ST3GAL4: variants seen among roughly 807,000 people sequenced by gnomAD.
ST3GAL4 encodes CMP-N-acetylneuraminate-beta-galactosamide-alpha-2,3-sialyltransferase 4.
In ST3GAL4, 24 loss-of-function variants were observed where a neutral mutation model predicts 42.6. That is an observed-to-expected ratio of 0.56 (90% CI 0.41 to 0.79). ST3GAL4 has a LOEUF of 0.79. ST3GAL4 is among the 30% of genes least tolerant of loss of function. The probability of loss-of-function intolerance (pLI) is 0.00; values close to 1 mark genes in which losing one functional copy is unlikely to be tolerated. For missense variants in ST3GAL4, 311 were observed against 430.8 expected (o/e 0.72, Z 2.46); for synonymous variants, 135 against 163.2 (o/e 0.83, Z 1.32).
At chr11:126,407,776 TG>T in intron 6 of ST3GAL4, 142 bp downstream of exon 6, 1 of 942,944 alleles carries the variant, frequency 1.1e-6, no homozygotes, top group Non-Finnish European at 1.6e-6. Context: ...TAGCCTAGCC[TG>T]GGCATCTGGG....
intron 1 of ST3GAL4, chr11:126,374,990 G>T (rs1952780029): frequency 6.6e-6 from 1 of 152,096 alleles, no homozygotes; most frequent in South Asian, 2.1e-4. Flanking sequence ...CTGTGGGTTG[G>T]CAGACACTGT....
chr11:126,404,904 T>C (rs1954159457), intron 1 of ST3GAL4, among the ~76,000 whole-genome samples: 1 of 152,222 alleles, frequency 6.6e-6, no homozygotes, highest in Admixed American at 6.5e-5. Flanking sequence ...GATCATTGGT[T>C]AATGGTTTGT....
At position 126,386,160 on chromosome 11, in the gene ST3GAL4, G is replaced by A. The variant is rs935197543; in HGVS notation, c.-60-19936G>A. ...TTATAGCCGGCTCCTCAGAGACATGGTTCTATCCCCCCAGTGGCCAAGGGC... is the reference window on the plus strand; with the variant it reads ...TTATAGCCGGCTCCTCAGAGACATGATTCTATCCCCCCAGTGGCCAAGGGC... On this transcript the variant is annotated intron_variant, in intron 1 of 10. Transcript: ENST00000444328. The surrounding 1 kb of genome is among the most constrained non-coding windows in gnomAD (Gnocchi z 4.7). 6.6e-6 allele frequency among the ~76,000 whole-genome samples: 1 copy of A among 152,142 alleles called. No individual in the cohort carries two copies. Among genetic ancestry groups the A allele is most frequent in the African/African-American group, 2.4e-5 (1 of 41,424 alleles).
chr11:126,401,516 A>G (rs1165614874), intron 1 of ST3GAL4, among the ~76,000 whole-genome samples: 2 of 151,386 alleles, frequency 1.3e-5, no homozygotes, highest in African/African-American at 4.8e-5. Flanking sequence ...GGTTCGTGCC[A>G]CTTCACTCCA....
At chr11:126,390,618 CTTT>C (rs58153137) in intron 1 of ST3GAL4, among the ~76,000 whole-genome samples, 9 of 126,684 alleles carry the variant, frequency 7.1e-5, no homozygotes, top group Admixed American at 4.0e-4. Flanking sequence ...GTGTTCTTTG[CTTT>C]TTTTTTTTTT....
At position 126,386,503 on chromosome 11, in the gene ST3GAL4, G is replaced by A. The variant is rs1953232205; in HGVS notation, c.-60-19593G>A. Among the ~76,000 whole-genome samples, 1 of 152,260 alleles carries A rather than the reference G, an allele frequency of 6.6e-6. No homozygotes were observed. Among genetic ancestry groups the A allele is most frequent in the South Asian group, 2.1e-4 (1 of 4,820 alleles). ...AGTAGCCCTTCTGTGGAACAAGTAGGGAAGGAGTGATGTGACCTCTGTGGC... is the reference window on the plus strand; with the variant it reads ...AGTAGCCCTTCTGTGGAACAAGTAGAGAAGGAGTGATGTGACCTCTGTGGC... On this transcript the variant is annotated intron_variant, in intron 1 of 10. Transcript: ENST00000444328. The surrounding 1 kb of genome is among the most constrained non-coding windows in gnomAD (Gnocchi z 4.7).
At chr11:126,368,505 C>T (rs546758943) in intron 1 of ST3GAL4, among the ~76,000 whole-genome samples, 1 of 152,330 alleles carries the variant, frequency 6.6e-6, no homozygotes, top group South Asian at 2.1e-4. Flanking sequence ...TTCCGTCAGC[C>T]CTTCTGTGGA....
Position 126,377,177 on chromosome 11 carries a change from C to CT in ST3GAL4, c.-61+21346dup, listed in dbSNP as rs567652765. On this transcript the variant is annotated intron_variant, in intron 1 of 10. Transcript: ENST00000444328. ...CTGATTTGTTAACATAAAAATGACACTTTTTTTTTTTGAGATCGAGTCTTA... is the reference window on the plus strand; with the variant it reads ...CTGATTTGTTAACATAAAAATGACACTTTTTTTTTTTTGAGATCGAGTCTTA... Among the ~76,000 whole-genome samples the CT allele has an allele frequency of 6.1e-3, 906 of 147,416 alleles. 10 individuals carry two copies. The highest frequency in any genetic ancestry group is 0.02 in the African/African-American group (807 of 40,456).
intron 1 of ST3GAL4, among the ~76,000 whole-genome samples, chr11:126,390,661 T>C (rs1953476763): frequency 6.7e-6 from 1 of 148,550 alleles, no homozygotes; most frequent in Admixed American, 6.9e-5. Flanking sequence ...TTTTGGTGGT[T>C]GTTATGGTAA....
rs1434841058 is a variant in ST3GAL4, at chr11:126,406,172, G to A, written c.16+1G>A. On this transcript the variant is annotated splice_donor_variant, in intron 2 of 10. Transcript: ENST00000444328. LOFTEE classifies it high-confidence loss of function. This position sits in a 1 kb window ranked among gnomAD's most constrained non-coding sequence, Gnocchi z 5.4. The stretch of plus-strand genomic sequence containing the variant: ...CTGAGAAACATGGTCAGCAAGTCCC[G>A]TGAGTGTCATCCGAGGGCTCCCCCA... 9 of 1,557,964 alleles carry A rather than the reference G, an allele frequency of 5.8e-6. No homozygotes were observed. Among genetic ancestry groups the A allele is most frequent in the South Asian group, 3.6e-5 (3 of 84,448 alleles).
rs1050584648 is a variant in ST3GAL4 at position 126,391,981 on chromosome 11, G to A, written c.-60-14115G>A. ...TGTGTGTGTGTGTGTGTATGTGTGTGTATGTGTATATATAAAATTATTTTC... is the reference window on the plus strand; with the variant it reads ...TGTGTGTGTGTGTGTGTATGTGTGTATATGTGTATATATAAAATTATTTTC... On this transcript the variant is annotated intron_variant, in intron 1 of 10. Coordinates refer to ENST00000444328, the MANE Select transcript of ST3GAL4 (RefSeq NM_001254757.2). The surrounding 1 kb of genome is among the most constrained non-coding windows in gnomAD (Gnocchi z 5.5). 2.0e-5 allele frequency among the ~76,000 whole-genome samples: 3 copies of A among 150,754 alleles called. No homozygotes were observed. Among genetic ancestry groups the A allele is most frequent in the Non-Finnish European group, 4.4e-5 (3 of 67,808 alleles).
rs1954406161 is a variant in ST3GAL4 at position 126,409,165 on chromosome 11, G to C, written c.628-103G>C. 4 of 1,453,318 alleles carry C rather than the reference G, an allele frequency of 2.8e-6. No homozygotes were observed. Among genetic ancestry groups the C allele is most frequent in the Non-Finnish European group, 3.8e-6 (4 of 1,056,946 alleles). 90.0% of individuals were successfully genotyped at this position (1,453,318 alleles called of 1,614,324 possible). On this transcript the variant is annotated intron_variant, in intron 8 of 10. Transcript: ENST00000444328. The surrounding 1 kb of genome is among the most constrained non-coding windows in gnomAD (Gnocchi z 4.9). ...TCACCTTGTGCTCCTGAAGGCCTCT[G>C]CCATCGCTTGGACCCCCTCGCCTCG...
In ST3GAL4 at chr11:126,388,367, C is replaced by G. The variant is rs545194805; in HGVS notation, c.-60-17729C>G. Among the ~76,000 whole-genome samples, 8 of 152,240 alleles carry G rather than the reference C, an allele frequency of 5.3e-5. No individual in the cohort carries two copies. In the South Asian group the frequency reaches 1.7e-3, roughly 32 times the overall value. On this transcript the variant is annotated intron_variant, in intron 1 of 10. Transcript: ENST00000444328. ...CTTTTTTAAGACAGAGTCTCGCTCTCTCTCCCAGGCTGGAGTGAAGTGGCT... is the reference window on the plus strand; with the variant it reads ...CTTTTTTAAGACAGAGTCTCGCTCTGTCTCCCAGGCTGGAGTGAAGTGGCT...
intron 1 of ST3GAL4, among the ~76,000 whole-genome samples, chr11:126,375,889 T>G (rs1381202641): frequency 7.4e-6 from 1 of 135,114 alleles, no homozygotes; most frequent in Admixed American, 7.4e-5. Context: ...TTTTTTTTTT[T>G]GCCCCTGGCT....
chr11:126,355,733 G>C lies in ST3GAL4; in HGVS notation c.-170G>C, dbSNP rs1414414018. 2.6e-5 allele frequency: 4 copies of C among 151,696 alleles called. No homozygotes were observed. The highest frequency in any genetic ancestry group is 4.1e-4 in the South Asian group (2 of 4,826). The allele number at this position is 151,696 out of a possible 1,614,324, so 9.4% of individuals were successfully genotyped here. On this transcript the variant is annotated 5_prime_UTR_variant, in exon 1 of 11. Transcript: ENST00000444328. This position sits in a 1 kb window ranked among gnomAD's most constrained non-coding sequence, Gnocchi z 7.1. ...AGGCCGGACCCGCGCCCGGGACAGGGACCCGGCCGAGTCGAGCCGTCGCGC... is the reference window on the plus strand; with the variant it reads ...AGGCCGGACCCGCGCCCGGGACAGGCACCCGGCCGAGTCGAGCCGTCGCGC...
rs935403669 is a variant in ST3GAL4, at chr11:126,392,506, C to G, written c.-60-13590C>G. On this transcript the variant is annotated intron_variant, in intron 1 of 10. Transcript: ENST00000444328. This position sits in a 1 kb window ranked among gnomAD's most constrained non-coding sequence, Gnocchi z 5.8. Reference sequence around the variant, plus strand: ...GCCAGCTCCCAGTGTGAGCTTCTAGCAAGCCCCTTGTGCCTTAGATGCCCA... The same window carrying G: ...GCCAGCTCCCAGTGTGAGCTTCTAGGAAGCCCCTTGTGCCTTAGATGCCCA... 2.6e-5 allele frequency among the ~76,000 whole-genome samples: 4 copies of G among 152,234 alleles called. No individual in the cohort carries two copies. The highest frequency in any genetic ancestry group is 5.9e-5 in the Non-Finnish European group (4 of 68,048).
At position 126,392,960 on chromosome 11, in the gene ST3GAL4, C is replaced by CTTTT. The variant is rs34002567; in HGVS notation, c.-60-13121_-60-13118dup. 2.3e-5 allele frequency among the ~76,000 whole-genome samples: 3 copies of CTTTT among 127,836 alleles called. No individual in the cohort carries two copies. Among genetic ancestry groups the CTTTT allele is most frequent in the Non-Finnish European group, 3.2e-5 (2 of 61,704 alleles). 83.9% of individuals were successfully genotyped at this position (127,836 alleles called of 152,430 possible). On this transcript the variant is annotated intron_variant, in intron 1 of 10. Coordinates refer to ENST00000444328, the MANE Select transcript of ST3GAL4 (RefSeq NM_001254757.2). The surrounding 1 kb of genome is among the most constrained non-coding windows in gnomAD (Gnocchi z 5.8). ...ATTTGTAACACGACCAACTCCTGTT[C>CTTTT]TTTTTTTTTTTTTTTTTTGAGACAG...
intron 1 of ST3GAL4, among the ~76,000 whole-genome samples, chr11:126,399,779 C>G (rs1005682676): frequency 6.6e-6 from 1 of 152,154 alleles, no homozygotes; most frequent in Non-Finnish European, 1.5e-5. Context: ...GTTTGAGGAC[C>G]TGGACACAAT....
chr11:126,407,506 G>C, intron 5 of ST3GAL4, 68 bp from the exon 6 acceptor site: 3 of 1,596,338 alleles, frequency 1.9e-6, no homozygotes, highest in African/African-American at 1.3e-5. Flanking sequence ...AGGAGCAGTG[G>C]AGGGAGGGCA....
Sources: allele counts gnomAD v4.1 joint callset (sites outside exome capture counted in the v4.1 genomes callset), GRCh38; gene constraint gnomAD v4.1.1; non-coding constraint Gnocchi (gnomAD v3.1); transcripts MANE v1.5; gene names NCBI Gene and HGNC (gene_info 2026-07-23, HGNC 2026-07-21).